CCDC158: variants seen among roughly 807,000 people sequenced by gnomAD.
CCDC158 encodes coiled-coil domain-containing protein 158.
In CCDC158, 116 loss-of-function variants were observed where a neutral mutation model predicts 138.6. The observed-to-expected ratio is 0.84, with a 90% CI of 0.72 to 0.98. The LOEUF (loss-of-function observed/expected upper bound fraction) is 0.98. Among genes scored for constraint, CCDC158 ranks in the 50% least tolerant of loss-of-function variants. CCDC158 has a pLI of 0.00. For missense variants in CCDC158, 1,265 were observed against 1,306.1 expected (o/e 0.97, Z 0.48); for synonymous variants, 436 against 442.4 (o/e 0.99, Z 0.18).
At chr4:76,335,846 T>C (rs1055701576) in intron 18 of CCDC158, among the ~76,000 whole-genome samples, 1 of 151,910 alleles carries the variant, frequency 6.6e-6, no homozygotes, top group Non-Finnish European at 1.5e-5. Context: ...GTGCTGGGAT[T>C]ACAGGTGTGA....
At chr4:76,415,924 ACTC>A (rs1160606784) in intron 1 of CCDC158, among the ~76,000 whole-genome samples, 1 of 151,668 alleles carries the variant, frequency 6.6e-6, no homozygotes, top group Non-Finnish European at 1.5e-5. Context: ...AGAAGACTCT[ACTC>A]CTCCACCTCT....
Position 76,367,629 on chromosome 4 carries a change from A to G in CCDC158, c.1495T>C (p.Ser499Pro). The G allele has an allele frequency of 6.2e-7, 1 of 1,613,934 alleles. No homozygotes were observed. Among genetic ancestry groups the G allele is most frequent in the Non-Finnish European group, 8.5e-7 (1 of 1,179,866 alleles). Residue 499 changes from serine to proline, a missense_variant, in exon 12 of 25, where the codon TCG becomes CCG. By Grantham distance (74) the Ser-to-Pro change is moderately conservative (BLOSUM62 -1). Transcript: ENST00000682701. ...TCCTGGAGAGAAGTTGTCAGGTCCG[A>G]TATTGTCCTCTCTGAGCTCTCCAGA... is the stretch of plus-strand genomic sequence containing the variant. Reference protein sequence around the residue: ...MTLESSERTISDLTTSLQEKE... With the variant: ...MTLESSERTIPDLTTSLQEKE...
chr4:76,344,789 C>A (rs1442963494), intron 18 of CCDC158: 1 of 1,607,364 alleles, frequency 6.2e-7, no homozygotes, highest in Non-Finnish European at 8.5e-7. Context: ...CTATGAAGCC[C>A]GACTTCAATG....
Position 76,379,424 on chromosome 4 carries a change from G to A in CCDC158, c.915-20C>T. 1 of 1,481,734 alleles carries A rather than the reference G, an allele frequency of 6.7e-7. No homozygotes were observed. Among genetic ancestry groups the A allele is most frequent in the Non-Finnish European group, 9.2e-7 (1 of 1,084,966 alleles). 91.8% of individuals were successfully genotyped at this position (1,481,734 alleles called of 1,614,324 possible). A position where few individuals can be genotyped will look rare whatever the true frequency, so the allele number is the denominator to read the frequency against. ...TGCTCTCTAAGAAGAGTTTAGAAGGGGAATAAGTGCAAATAGCAAACTAAG... is the reference window on the plus strand; with the variant it reads ...TGCTCTCTAAGAAGAGTTTAGAAGGAGAATAAGTGCAAATAGCAAACTAAG... On this transcript the variant is annotated intron_variant, in intron 8 of 24. Transcript: ENST00000682701.
chr4:76,325,710 A>T (rs947227378), intron 23 of CCDC158, 147 bp downstream of exon 23: 15 of 552,882 alleles, frequency 2.7e-5, no homozygotes, highest in African/African-American at 1.7e-4. Context: ...TGTTCTATTT[A>T]AAAAAGACCT....
chr4:76,382,830 C>CTT, intron 7 of CCDC158, 110 bp from the exon 8 acceptor site: 1 of 696,024 alleles, frequency 1.4e-6, no homozygotes, highest in South Asian at 2.0e-5. Flanking sequence ...TTTTGCTTTG[C>CTT]TTTTGTATAT....
intron 1 of CCDC158, among the ~76,000 whole-genome samples, chr4:76,420,339 A>AC (rs1228203871): frequency 6.6e-6 from 1 of 152,200 alleles, no homozygotes; most frequent in Non-Finnish European, 1.5e-5. Context: ...AACCTGGGCA[A>AC]CAGCCGACCT....
intron 22 of CCDC158, among the ~76,000 whole-genome samples, chr4:76,328,053 C>A (rs114971439): frequency 2.0e-5 from 3 of 152,098 alleles, no homozygotes; most frequent in African/African-American, 7.2e-5. Flanking sequence ...ACTTTTTCCT[C>A]TGATGTTTTT....
At chr4:76,411,333 T>G (rs1240895896) in intron 2 of CCDC158, among the ~76,000 whole-genome samples, 1 of 151,916 alleles carries the variant, frequency 6.6e-6, no homozygotes, top group Non-Finnish European at 1.5e-5. Context: ...GCCCAAGAGT[T>G]CAAGGCTGTA....
chr4:76,362,073 C>T lies in CCDC158; in HGVS notation c.2020+53G>A, dbSNP rs1301613210. ...GCAATTGTGCTAGGGTCTACATTGGCTTCACTGCTAAGACTCTTATTTTTT... is the reference window on the plus strand; with the variant it reads ...GCAATTGTGCTAGGGTCTACATTGGTTTCACTGCTAAGACTCTTATTTTTT... On this transcript the variant is annotated intron_variant, in intron 13 of 24. Transcript: ENST00000682701. 6 of 1,499,360 alleles carry T rather than the reference C, an allele frequency of 4.0e-6. 1 individual carries two copies. The highest frequency in any genetic ancestry group is 3.5e-5 in the South Asian group (3 of 85,732). 92.9% of individuals were successfully genotyped at this position (1,499,360 alleles called of 1,614,324 possible).
In CCDC158 at chr4:76,355,375, G is replaced by T. The variant is rs1723443879; in HGVS notation, c.2235C>A (p.Ala745=). The part of the protein sequence containing the change: ...QITAKRGQID[A]LQSKIQFLEE... ...CCAAAAACTGTATCTTGCTCTGAAG[G>T]GCATCTATCTGACCTCTTTTGGCTG... Residue 745 remains alanine (A), a synonymous_variant, in exon 15 of 25, where the codon GCC becomes GCA. Transcript: ENST00000682701. The T allele has an allele frequency of 4.3e-6, 7 of 1,613,880 alleles. No homozygotes were observed. The Middle Eastern group carries it at 1.2e-3, about 266-fold the overall frequency.
intron 3 of CCDC158, among the ~76,000 whole-genome samples, chr4:76,398,837 CAGAG>C (rs145723020): frequency 2.0e-5 from 3 of 149,350 alleles, no homozygotes; most frequent in Admixed American, 6.7e-5. Flanking sequence ...GAGAAACATA[CAGAG>C]AGAGAGAGAG....
At chr4:76,361,377 A>C (rs886833314) in intron 13 of CCDC158, among the ~76,000 whole-genome samples, 3 of 152,174 alleles carry the variant, frequency 2.0e-5, no homozygotes, top group Non-Finnish European at 4.4e-5. Flanking sequence ...CCTGGCTAAC[A>C]CAGTGAAACC....
intron 19 of CCDC158, among the ~76,000 whole-genome samples, chr4:76,333,688 T>C (rs778702458): frequency 3.3e-5 from 5 of 152,196 alleles, no homozygotes; most frequent in Non-Finnish European, 5.9e-5. Flanking sequence ...CAAAATGGGA[T>C]AAATAAACCC....
At chr4:76,417,424 T>C (rs1729785283) in intron 1 of CCDC158, among the ~76,000 whole-genome samples, 1 of 152,206 alleles carries the variant, frequency 6.6e-6, no homozygotes, top group Middle Eastern at 3.4e-3. Context: ...TGGTAAGGCA[T>C]GATTGGTTTT....
chr4:76,329,632 G>T (rs985262268), intron 21 of CCDC158, among the ~76,000 whole-genome samples: 18 of 152,244 alleles, frequency 1.2e-4, no homozygotes, highest in African/African-American at 2.6e-4. Flanking sequence ...AACATTAGTA[G>T]TATCAGTGTA....
rs1281942677 is a variant in CCDC158 at position 76,421,015 on chromosome 4, C to G, written c.-167G>C. Among the ~76,000 whole-genome samples the G allele has an allele frequency of 2.0e-5, 3 of 152,000 alleles. No homozygotes were observed. Among genetic ancestry groups the G allele is most frequent in the Admixed American group, 1.3e-4 (2 of 15,280 alleles). On this transcript the variant is annotated 5_prime_UTR_variant, in exon 1 of 25. Transcript: ENST00000682701. ...CACCGGCCACATCTCCGCGGGGCGC[C>G]GGCGGGCGCAGCGGCCCCACCTACG... is the stretch of plus-strand genomic sequence containing the variant.
intron 12 of CCDC158, among the ~76,000 whole-genome samples, chr4:76,364,004 T>A (rs1166490190): frequency 6.6e-6 from 1 of 152,020 alleles, no homozygotes; most frequent in Non-Finnish European, 1.5e-5. Flanking sequence ...GGGTAGGGAA[T>A]GTGAATATGG....
chr4:76,343,520 G>A (rs7660131), intron 18 of CCDC158, among the ~76,000 whole-genome samples: 4,463 of 152,246 alleles, frequency 0.029, 219 homozygotes, highest in African/African-American at 0.1. Context: ...TTAAAGAGAA[G>A]CAAGAAAGTA....
Sources: allele counts gnomAD v4.1 joint callset (sites outside exome capture counted in the v4.1 genomes callset), GRCh38; gene constraint gnomAD v4.1.1; transcripts MANE v1.5; gene names NCBI Gene and HGNC (gene_info 2026-07-23, HGNC 2026-07-21).